Variants in DPP4 observed in about 807,000 individuals in gnomAD.
DPP4 encodes ADCP-2.
DPP4 carries 93 observed loss-of-function variants against 122.4 expected under a neutral mutation model. The observed-to-expected ratio is 0.76, with a 90% CI of 0.64 to 0.90. The LOEUF is 0.90. Among genes scored for constraint, DPP4 ranks in the 40% least tolerant of loss-of-function variants. The probability of loss-of-function intolerance (pLI) is 0.00; values close to 1 mark genes in which losing one functional copy is unlikely to be tolerated. For synonymous variants in DPP4, 321 were observed against 302.9 expected, an observed-to-expected ratio of 1.06 and a Z score of -0.62; for missense variants, 914 against 907.3, an observed-to-expected ratio of 1.01 and a Z score of -0.09.
At chr2:162,003,858 C>T (rs920010675) in intron 23 of DPP4, among the ~76,000 whole-genome samples, 2 of 152,072 alleles carry the variant, frequency 1.3e-5, no homozygotes, top group Non-Finnish European at 2.9e-5. Context: ...CCTTGAATAA[C>T]TAACAGTACT....
chr2:162,065,929 G>T (rs1684932469), intron 2 of DPP4, among the ~76,000 whole-genome samples: 1 of 152,132 alleles, frequency 6.6e-6, no homozygotes, highest in Non-Finnish European at 1.5e-5. Context: ...AAAGTACCTG[G>T]CATATAGAAA....
At chr2:162,011,685 A>G in intron 20 of DPP4, 108 bp downstream of exon 20, 1 of 1,130,368 alleles carries the variant, frequency 8.8e-7, no homozygotes. Context: ...AAGATTACAA[A>G]TTCATCCCAG....
At chr2:162,065,225 A>C (rs1684910418) in intron 2 of DPP4, among the ~76,000 whole-genome samples, 1 of 152,204 alleles carries the variant, frequency 6.6e-6, no homozygotes, top group South Asian at 2.1e-4. Flanking sequence ...GCATCTGGTC[A>C]GAGGACTTAT....
intron 2 of DPP4, among the ~76,000 whole-genome samples, chr2:162,050,250 G>A (rs544276928): frequency 6.6e-6 from 1 of 152,212 alleles, no homozygotes; most frequent in South Asian, 2.1e-4. Context: ...TTATCAAGAG[G>A]TATTAGTTTA....
chr2:161,995,779 G>A (rs550368918), intron 23 of DPP4, among the ~76,000 whole-genome samples: 2 of 152,266 alleles, frequency 1.3e-5, no homozygotes, highest in South Asian at 4.1e-4. Flanking sequence ...TGTGTCACAT[G>A]GTGCCATACA....
chr2:162,022,874 T>C, intron 11 of DPP4, 75 bp from the exon 12 acceptor site: 1 of 1,433,252 alleles, frequency 7.0e-7, no homozygotes, highest in Non-Finnish European at 9.8e-7. Context: ...TTTGTGGTAA[T>C]ATAAATAGAG....
At chr2:162,028,071 A>C (rs1473678827) in intron 10 of DPP4, among the ~76,000 whole-genome samples, 2 of 148,804 alleles carry the variant, frequency 1.3e-5, no homozygotes, top group East Asian at 4.0e-4. Flanking sequence ...AAAAAAAAAA[A>C]CAAAAAACTG....
chr2:162,038,374 G>A lies in DPP4; in HGVS notation c.541C>T (p.Pro181Ser). The change falls in exon 8 of 26, where the codon CCA (proline) becomes TCA (serine). Residue 181 changes from proline (P) to serine (S), a missense_variant. Coordinates refer to ENST00000360534, the MANE Select transcript of DPP4 (RefSeq NM_001935.4). ...CCCGTCCATGTGATTCTGTAACTTG[G>A]TAAATTTGGTTCAATTTTAACATAA... Reference protein sequence around the residue: ...DIYVKIEPNLPSYRITWTGKE... With the variant: ...DIYVKIEPNLSSYRITWTGKE... 6.2e-7 allele frequency: 1 copy of A among 1,607,824 alleles called. No individual in the cohort carries two copies. Among genetic ancestry groups the A allele is most frequent in the Non-Finnish European group, 8.5e-7 (1 of 1,176,776 alleles).
intron 21 of DPP4, among the ~76,000 whole-genome samples, 190 bp downstream of exon 21, chr2:162,009,050 TC>T (rs1299759374): frequency 6.6e-6 from 1 of 151,992 alleles, no homozygotes; most frequent in Non-Finnish European, 1.5e-5. Context: ...CTACCTCACC[TC>T]CCTGGCTCAT....
At chr2:162,030,963 G>A (rs979425078) in intron 10 of DPP4, among the ~76,000 whole-genome samples, 4 of 152,182 alleles carry the variant, frequency 2.6e-5, no homozygotes, top group African/African-American at 9.7e-5. Flanking sequence ...TGTTTCTTGA[G>A]CCCAGCACTT....
chr2:161,996,941 A>G (rs1173067662), intron 23 of DPP4, among the ~76,000 whole-genome samples: 3 of 152,184 alleles, frequency 2.0e-5, no homozygotes, highest in Non-Finnish European at 4.4e-5. Context: ...CCATCACAAT[A>G]ATAGGAACTA....
At chr2:162,037,090 T>C (rs747956176) in intron 8 of DPP4, among the ~76,000 whole-genome samples, 42 of 152,252 alleles carry the variant, frequency 2.8e-4, no homozygotes, top group Non-Finnish European at 5.7e-4. Context: ...ATTGACAATG[T>C]AGTAATTTCC....
At chr2:162,073,763 A>T (rs1685209927) in intron 1 of DPP4, among the ~76,000 whole-genome samples, 1 of 152,056 alleles carries the variant, frequency 6.6e-6, no homozygotes, top group Non-Finnish European at 1.5e-5. Context: ...TCTCCGGGAC[A>T]TTCAAAGCTC....
At chr2:162,068,062 G>C (rs1685006943) in intron 2 of DPP4, among the ~76,000 whole-genome samples, 1 of 152,122 alleles carries the variant, frequency 6.6e-6, no homozygotes, top group Non-Finnish European at 1.5e-5. Context: ...ACTTACATCA[G>C]AAGCAAAGCA....
intron 11 of DPP4, among the ~76,000 whole-genome samples, chr2:162,024,320 C>T (rs1683240534): frequency 6.6e-6 from 1 of 152,240 alleles, no homozygotes; most frequent in Admixed American, 6.5e-5. Context: ...CCCTCTCAGA[C>T]TGGCAGTTAT....
chr2:162,062,250 C>A (rs1322300295), intron 2 of DPP4, among the ~76,000 whole-genome samples: 2 of 152,106 alleles, frequency 1.3e-5, no homozygotes, highest in East Asian at 1.9e-4. Flanking sequence ...TCGCTGCACT[C>A]CAGCCTGAGC....
At chr2:162,020,175 A>C in intron 14 of DPP4, 54 bp downstream of exon 14, 3 of 1,464,480 alleles carry the variant, frequency 2.0e-6, no homozygotes, top group Non-Finnish European at 2.8e-6. Context: ...CTGGGCAAAG[A>C]GGGCATGATT....
intron 2 of DPP4, among the ~76,000 whole-genome samples, chr2:162,064,108 C>G (rs1684875924): frequency 6.6e-6 from 1 of 152,140 alleles, no homozygotes; most frequent in Non-Finnish European, 1.5e-5. Context: ...TTTCAGTTTT[C>G]TTATCAAAAC....
At chr2:162,062,566 C>T (rs939529368) in intron 2 of DPP4, among the ~76,000 whole-genome samples, 1 of 152,200 alleles carries the variant, frequency 6.6e-6, no homozygotes, top group African/African-American at 2.4e-5. Flanking sequence ...AAATTCAGTT[C>T]ATTGAGGTTG....
Sources: gnomAD v4.1 joint callset for allele counts (sites outside exome capture counted in the v4.1 genomes callset) on GRCh38, gnomAD v4.1.1 for gene constraint, MANE v1.5 for transcripts, NCBI Gene and HGNC (gene_info 2026-07-23, HGNC 2026-07-21) for gene names.